Variants in OCA2 observed in about 807,000 individuals in gnomAD.
OCA2 encodes the protein OCA2 melanosomal transmembrane protein.
Under a neutral mutation model 100.2 loss-of-function variants are expected in OCA2, and 77 were observed. The observed-to-expected ratio is 0.77, with a 90% confidence interval of 0.64 to 0.93. The LOEUF is 0.93. OCA2 is among the 40% of genes least tolerant of loss of function. The pLI is 0.00. For missense variants in OCA2, 1,062 were observed against 1,089.1 expected (o/e 0.98, Z 0.35); for synonymous variants, 432 against 439.2 (o/e 0.98, Z 0.21).
At chr15:27,870,471 G>A (rs963813832) in intron 21 of OCA2, among the ~76,000 whole-genome samples, 1 of 152,166 alleles carries the variant, frequency 6.6e-6, no homozygotes, top group African/African-American at 2.4e-5. Flanking sequence ...GTCACGCCAG[G>A]AACAGGCTCA....
At chr15:27,871,815 A>G in intron 20 of OCA2, 48 bp downstream of exon 20, 6 of 1,295,790 alleles carry the variant, frequency 4.6e-6, no homozygotes, top group Non-Finnish European at 6.7e-6. Context: ...TTTTCACAAA[A>G]TCAAAGAACA....
At chr15:27,891,023 C>CAAAAAAAAAAAAAAAAAAAAA (rs578093435) in intron 19 of OCA2, among the ~76,000 whole-genome samples, 1 of 118,006 alleles carries the variant, frequency 8.5e-6, no homozygotes, top group Admixed American at 8.7e-5. Flanking sequence ...GACTCCATCT[C>CAAAAAAAAAAAAAAAAAAAAA]AAAAAAAAAA....
chr15:27,824,602 C>CTA lies in OCA2; in HGVS notation c.2432+20355_2432+20356dup, dbSNP rs142689690. Among the ~76,000 whole-genome samples, 342 of 47,582 alleles carry CTA rather than the reference C, an allele frequency of 7.2e-3. 18 individuals carry two copies. The highest frequency in any genetic ancestry group is 0.018 in the Middle Eastern group (1 of 56). The allele number at this position is 47,582 out of a possible 152,430, so 31.2% of individuals were successfully genotyped here. ...TTTCTCTCTCTCTCTCTCTCTCTCT[C>CTA]TATATATATATATATATATAATATA... On this transcript the variant is annotated intron_variant, in intron 23 of 23. Transcript: ENST00000354638.
At chr15:28,087,023 A>G (rs1441847161) in intron 1 of OCA2, among the ~76,000 whole-genome samples, 1 of 152,242 alleles carries the variant, frequency 6.6e-6, no homozygotes, top group Non-Finnish European at 1.5e-5. Context: ...GTATTTGACG[A>G]TCTCATGGCT....
chr15:27,802,354 T>C (rs1026288316), intron 23 of OCA2, among the ~76,000 whole-genome samples: 9 of 152,268 alleles, frequency 5.9e-5, no homozygotes, highest in African/African-American at 2.2e-4. Flanking sequence ...CTTACTAGTG[T>C]CAAGCAGCTA....
At chr15:27,858,009 AT>A (rs1180444010) in intron 21 of OCA2, among the ~76,000 whole-genome samples, 1 of 151,944 alleles carries the variant, frequency 6.6e-6, no homozygotes, top group African/African-American at 2.4e-5. Context: ...CTACAAAAAA[AT>A]CAACTAAATA....
intron 23 of OCA2, among the ~76,000 whole-genome samples, chr15:27,802,181 T>C (rs866894536): frequency 1.3e-5 from 2 of 152,158 alleles, no homozygotes; most frequent in South Asian, 2.1e-4. Flanking sequence ...AATTAGAATT[T>C]TTAAAAATAA....
chr15:27,822,367 T>C (rs960192496), intron 23 of OCA2, among the ~76,000 whole-genome samples: 6 of 152,212 alleles, frequency 3.9e-5, no homozygotes, highest in Non-Finnish European at 5.9e-5. Context: ...ATATTGTATA[T>C]CTAATTTTTA....
chr15:27,995,708 T>A (rs752463593), intron 9 of OCA2, among the ~76,000 whole-genome samples: 2 of 152,024 alleles, frequency 1.3e-5, no homozygotes, highest in South Asian at 4.1e-4. Flanking sequence ...TTTTAGAAGA[T>A]GTAAATAATA....
chr15:27,744,121 G>C, the OCA2 span, among the ~76,000 whole-genome samples: 2 of 152,154 alleles, frequency 1.3e-5, no homozygotes, highest in East Asian at 3.9e-4. Context: ...AGCATCCTTA[G>C]CCCCAAAGAC....
chr15:28,014,646 C>T (rs2042331518), intron 9 of OCA2, 130 bp downstream of exon 9: 33 of 1,028,592 alleles, frequency 3.2e-5, no homozygotes, highest in Non-Finnish European at 4.6e-5. Context: ...ACACGCTAAT[C>T]TTTAGGAATG....
intron 19 of OCA2, among the ~76,000 whole-genome samples, chr15:27,899,769 G>A (rs2037848008): frequency 6.6e-6 from 1 of 152,144 alleles, no homozygotes; most frequent in Non-Finnish European, 1.5e-5. Flanking sequence ...GCAAAGTTGG[G>A]GTGCCACCCT....
intron 19 of OCA2, among the ~76,000 whole-genome samples, chr15:27,896,896 AATCT>A: frequency 7.0e-6 from 1 of 143,590 alleles, no homozygotes; most frequent in East Asian, 2.9e-4. Context: ...GCATGTCAGA[AATCT>A]TCTTGGCAGG....
chr15:28,096,777 C>A (rs1228814659), intron 1 of OCA2, among the ~76,000 whole-genome samples: 1 of 152,150 alleles, frequency 6.6e-6, no homozygotes, highest in East Asian at 1.9e-4. Flanking sequence ...GGAGGAGGGG[C>A]GGGGCCCGGG....
At chr15:27,754,281 G>A (rs1217540478), downstream of OCA2, among the ~76,000 whole-genome samples, 1 of 152,202 alleles carries the variant, frequency 6.6e-6, no homozygotes, top group Non-Finnish European at 1.5e-5. Context: ...AGTAGACAGG[G>A]ACACCCATCC....
chr15:28,015,155 ACAC>A (rs1217111795), intron 8 of OCA2, among the ~76,000 whole-genome samples: 4 of 152,104 alleles, frequency 2.6e-5, no homozygotes. Flanking sequence ...CCTTCCTGTG[ACAC>A]CACCCGACAA....
chr15:27,872,569 C>T (rs1595553955), intron 19 of OCA2, among the ~76,000 whole-genome samples: 1 of 152,188 alleles, frequency 6.6e-6, no homozygotes, highest in Non-Finnish European at 1.5e-5. Context: ...GCAACAGGTG[C>T]CGGTGGCTCA....
At chr15:27,942,115 C>G (rs1177594095) in intron 18 of OCA2, among the ~76,000 whole-genome samples, 1 of 151,714 alleles carries the variant, frequency 6.6e-6, no homozygotes, top group East Asian at 1.9e-4. Context: ...TCTAAAAGTT[C>G]AACAGAGAGT....
chr15:28,057,454 CCT>C lies in OCA2; in HGVS notation c.227+24192_227+24193del, dbSNP rs945633457. On this transcript the variant is annotated intron_variant, in intron 2 of 23. Coordinates refer to ENST00000354638, the MANE Select transcript of OCA2 (RefSeq NM_000275.3). The stretch of plus-strand genomic sequence containing the variant: ...ATGCCCTTGTCAGGGTATCTGTGCC[CCT>C]GAGATGTCCTGGAGACCAGTGAATC... Among the ~76,000 whole-genome samples, 3 of 152,148 alleles carry C rather than the reference CCT, an allele frequency of 2.0e-5. No homozygotes were observed. In the East Asian group the frequency reaches 5.8e-4, roughly 29 times the overall value.
Sources: allele counts gnomAD v4.1 joint callset (sites outside exome capture counted in the v4.1 genomes callset), GRCh38; gene constraint gnomAD v4.1.1; transcripts MANE v1.5; gene names NCBI Gene and HGNC (gene_info 2026-07-23, HGNC 2026-07-21).